Variants in ATP8A2 observed in about 807,000 individuals in gnomAD.
ATP8A2 encodes the protein ATPase phospholipid transporting 8A2.
Under a neutral mutation model 165.6 loss-of-function variants are expected in ATP8A2, and 100 were observed. That is an observed-to-expected ratio of 0.60 (90% CI 0.51 to 0.71). The LOEUF (loss-of-function observed/expected upper bound fraction) is 0.71. Ranked by LOEUF, ATP8A2 falls within the 30% of genes least tolerant of loss-of-function variation. ATP8A2 has a pLI of 0.00. For missense variants in ATP8A2, 1,227 were observed against 1,479.5 expected (o/e 0.83, Z 2.80); for synonymous variants, 543 against 548.8 (o/e 0.99, Z 0.15).
intron 2 of ATP8A2, among the ~76,000 whole-genome samples, chr13:25,491,404 A>C (rs887175328): frequency 3.3e-5 from 5 of 151,190 alleles, no homozygotes; most frequent in African/African-American, 9.7e-5. Flanking sequence ...ATTTATGATT[A>C]TTTTGTAGAG....
At chr13:25,389,240 G>T (rs1266498769) in intron 1 of ATP8A2, among the ~76,000 whole-genome samples, 1 of 152,104 alleles carries the variant, frequency 6.6e-6, no homozygotes, top group Non-Finnish European at 1.5e-5. Flanking sequence ...AAATTGTTGG[G>T]TTTTTGTAAT....
chr13:25,697,074 G>A (rs577487314), intron 24 of ATP8A2, among the ~76,000 whole-genome samples: 2 of 152,198 alleles, frequency 1.3e-5, no homozygotes, highest in East Asian at 1.9e-4. Context: ...GGTGCTGATC[G>A]ACTTGCTTGA....
rs1424002998 is a variant in ATP8A2 at position 25,686,291 on chromosome 13, G to A, written c.2212-12882G>A. ...GGCTCACAAGGAGCGGATGCGTCAC[G>A]GGCCTGAGGGGCAGGAACATGATGC... On this transcript the variant is annotated intron_variant, in intron 24 of 36. Transcript: ENST00000381655. 2.0e-5 allele frequency among the ~76,000 whole-genome samples: 3 copies of A among 152,286 alleles called. No individual in the cohort carries two copies. In the East Asian group the frequency reaches 5.8e-4, roughly 29 times the overall value.
At chr13:25,558,582 G>T (rs1462846662) in intron 13 of ATP8A2, among the ~76,000 whole-genome samples, 1 of 151,998 alleles carries the variant, frequency 6.6e-6, no homozygotes, top group Non-Finnish European at 1.5e-5. Context: ...AAGTCCTGAC[G>T]CCTTTTTGGA....
chr13:25,578,228 A>C (rs557446587), intron 20 of ATP8A2, among the ~76,000 whole-genome samples: 2 of 152,326 alleles, frequency 1.3e-5, no homozygotes, highest in East Asian at 3.9e-4. Context: ...AGTTTAAAAA[A>C]ATTTTTGTAA....
At chr13:25,502,741 A>T (rs2036894276) in intron 2 of ATP8A2, among the ~76,000 whole-genome samples, 1 of 152,200 alleles carries the variant, frequency 6.6e-6, no homozygotes. Context: ...TGCGTGTCGT[A>T]TCACCTGCTT....
chr13:25,636,741 C>A (rs1475453820), intron 24 of ATP8A2, among the ~76,000 whole-genome samples: 1 of 152,010 alleles, frequency 6.6e-6, no homozygotes, highest in African/African-American at 2.4e-5. Context: ...CAGTTTCTCC[C>A]CATATGTGCA....
chr13:25,475,464 T>C (rs1383565701), intron 2 of ATP8A2, among the ~76,000 whole-genome samples: 2 of 152,246 alleles, frequency 1.3e-5, no homozygotes, highest in Non-Finnish European at 2.9e-5. Context: ...TTGTGAATAG[T>C]GCTTCAGTGA....
chr13:25,755,291 C>G (rs1288483860), intron 25 of ATP8A2, among the ~76,000 whole-genome samples: 1 of 152,162 alleles, frequency 6.6e-6, no homozygotes. Context: ...CACCCAGGGA[C>G]AAAGCTACAG....
intron 25 of ATP8A2, among the ~76,000 whole-genome samples, chr13:25,715,360 G>A (rs2138001793): frequency 6.6e-6 from 1 of 152,302 alleles, no homozygotes; most frequent in African/African-American, 2.4e-5. Context: ...AGCATACCAT[G>A]TAATTCACAC....
At chr13:25,761,637 T>G (rs2044380189) in intron 25 of ATP8A2, among the ~76,000 whole-genome samples, 1 of 127,424 alleles carries the variant, frequency 7.8e-6, no homozygotes, top group East Asian at 2.1e-4. Context: ...ATATAAAATA[T>G]AATATATATT....
chr13:25,764,759 G>A (rs1465614335), intron 25 of ATP8A2, among the ~76,000 whole-genome samples: 3 of 152,228 alleles, frequency 2.0e-5, no homozygotes, highest in Non-Finnish European at 4.4e-5. Context: ...GATAGTGAAA[G>A]AATTTTGTGA....
intron 35 of ATP8A2, among the ~76,000 whole-genome samples, chr13:25,974,998 CTT>C (rs1956000298): frequency 6.6e-6 from 1 of 152,180 alleles, no homozygotes; most frequent in African/African-American, 2.4e-5. Flanking sequence ...CTCTGCTTCT[CTT>C]CTCACGTGTG....
intron 25 of ATP8A2, among the ~76,000 whole-genome samples, chr13:25,748,590 G>A (rs530465306): frequency 1.7e-4 from 26 of 152,292 alleles, no homozygotes; most frequent in Middle Eastern, 3.4e-3. Flanking sequence ...TGCAGAACGC[G>A]GTTTGATCTC....
chr13:25,415,987 C>G (rs1470121728), intron 1 of ATP8A2, among the ~76,000 whole-genome samples: 2 of 152,184 alleles, frequency 1.3e-5, no homozygotes, highest in African/African-American at 4.8e-5. Flanking sequence ...CACCACCACT[C>G]TGGCTATTTT....
intron 24 of ATP8A2, among the ~76,000 whole-genome samples, chr13:25,593,292 T>C (rs1048481171): frequency 1.3e-5 from 2 of 152,190 alleles, no homozygotes; most frequent in African/African-American, 4.8e-5. Flanking sequence ...CTTCTCTTTA[T>C]TTCATCTCTC....
intron 27 of ATP8A2, among the ~76,000 whole-genome samples, chr13:25,794,858 CA>C (rs1950466244): frequency 1.3e-5 from 2 of 150,702 alleles, no homozygotes; most frequent in African/African-American, 2.4e-5. Flanking sequence ...CACACACACA[CA>C]CCTTCTCTCT....
intron 25 of ATP8A2, among the ~76,000 whole-genome samples, chr13:25,723,638 C>T (rs1370794188): frequency 2.6e-5 from 4 of 151,980 alleles, no homozygotes; most frequent in African/African-American, 7.3e-5. Flanking sequence ...GAGGCTGTAG[C>T]GATTGTTAGC....
At chr13:25,782,895 G>A (rs112393912) in intron 27 of ATP8A2, among the ~76,000 whole-genome samples, 4,185 of 151,430 alleles carry the variant, frequency 0.028, 182 homozygotes, top group African/African-American at 0.096. Flanking sequence ...ACGTGCCACC[G>A]CACCTGGCTA....
Sources: gnomAD v4.1 joint callset for allele counts (sites outside exome capture counted in the v4.1 genomes callset) on GRCh38, gnomAD v4.1.1 for gene constraint, MANE v1.5 for transcripts, NCBI Gene and HGNC (gene_info 2026-07-23, HGNC 2026-07-21) for gene names.